The following COL22A1 variants were observed in gnomAD, a reference collection of about 807,000 sequenced individuals.
COL22A1 encodes the protein collagen alpha-1(XXII) chain.
Under a neutral mutation model 248.9 loss-of-function variants are expected in COL22A1, and 221 were observed. The ratio of observed to expected loss-of-function variants is 0.89; its 90% confidence interval spans 0.80 to 0.99. COL22A1 has a LOEUF of 0.99. COL22A1 is among the 50% of genes least tolerant of loss of function. The pLI is 0.00. For missense variants in COL22A1, 2,240 were observed against 2,179.0 expected (o/e 1.03, Z -0.56); for synonymous variants, 891 against 793.4 (o/e 1.12, Z -2.07).
intron 6 of COL22A1, among the ~76,000 whole-genome samples, chr8:138,823,341 A>T (rs1452513063): frequency 2.6e-5 from 4 of 152,210 alleles, no homozygotes; most frequent in African/African-American, 4.8e-5. Context: ...CAGCAGTGAA[A>T]CCTTCTCTGA....
chr8:138,798,619 C>G (rs1816752997), intron 11 of COL22A1, among the ~76,000 whole-genome samples: 1 of 152,148 alleles, frequency 6.6e-6, no homozygotes, highest in African/African-American at 2.4e-5. Context: ...TGTTTGTTAA[C>G]ACCAACCATA....
rs1347097962 is a variant in COL22A1 at position 138,591,238 on chromosome 8, A to T, written c.4693+186T>A. Among the ~76,000 whole-genome samples, 4 of 152,154 alleles carry T rather than the reference A, an allele frequency of 2.6e-5. No individual in the cohort carries two copies. The East Asian group carries it at 7.7e-4, about 29-fold the overall frequency. Reference sequence around the variant, plus strand: ...TAGAATACACTACAGTTTTCTTAGTAAGTCAAGAAGGTCGTATTTTAGAAA... The same window carrying T: ...TAGAATACACTACAGTTTTCTTAGTTAGTCAAGAAGGTCGTATTTTAGAAA... On this transcript the variant is annotated intron_variant, in intron 64 of 64. Coordinates refer to ENST00000303045, the MANE Select transcript of COL22A1 (RefSeq NM_152888.3).
chr8:138,805,990 G>GTA (rs1817585495), intron 10 of COL22A1, among the ~76,000 whole-genome samples: 1 of 87,534 alleles, frequency 1.1e-5, no homozygotes, highest in African/African-American at 4.1e-5. Context: ...GATTGTGTGT[G>GTA]ATGGTGTGTG....
At chr8:138,628,605 G>GTA (rs1487151206) in intron 50 of COL22A1, among the ~76,000 whole-genome samples, 1 of 152,156 alleles carries the variant, frequency 6.6e-6, no homozygotes. Context: ...AAAACTTCCA[G>GTA]TATATTCTGG....
chr8:138,684,569 G>A, intron 38 of COL22A1, 100 bp from the exon 39 acceptor site: 1 of 830,542 alleles, frequency 1.2e-6, no homozygotes, highest in South Asian at 1.3e-5. Context: ...TGGGGACCCA[G>A]AGATGGGTGA....
At chr8:138,658,080 A>G (rs2130642394) in intron 44 of COL22A1, among the ~76,000 whole-genome samples, 1 of 152,304 alleles carries the variant, frequency 6.6e-6, no homozygotes, top group Non-Finnish European at 1.5e-5. Context: ...CAGAGAACCT[A>G]ATCTGACACA....
intron 9 of COL22A1, among the ~76,000 whole-genome samples, chr8:138,810,041 T>A (rs767111306): frequency 6.6e-6 from 1 of 151,930 alleles, no homozygotes; most frequent in African/African-American, 2.4e-5. Flanking sequence ...CAAATAGAAG[T>A]ACAGGGAGAA....
chr8:138,676,834 A>G (rs1334036255), intron 40 of COL22A1, among the ~76,000 whole-genome samples, 199 bp from the exon 41 acceptor site: 2 of 152,202 alleles, frequency 1.3e-5, no homozygotes, highest in Non-Finnish European at 2.9e-5. Context: ...CCACCAACTC[A>G]GATTATATAC....
intron 30 of COL22A1, among the ~76,000 whole-genome samples, chr8:138,711,088 G>T (rs577560326): frequency 6.6e-6 from 1 of 152,150 alleles, no homozygotes; most frequent in African/African-American, 2.4e-5. Context: ...ACCCATGGGG[G>T]CTCTCTGCCT....
At chr8:138,623,233 T>C (rs1436137440) in intron 52 of COL22A1, among the ~76,000 whole-genome samples, 8 of 77,586 alleles carry the variant, frequency 1.0e-4, no homozygotes, top group Non-Finnish European at 2.3e-4. Flanking sequence ...AGTATGTGTG[T>C]GTACATATAT....
intron 3 of COL22A1, among the ~76,000 whole-genome samples, chr8:138,862,854 G>A (rs1043727780): frequency 6.6e-6 from 1 of 152,122 alleles, no homozygotes; most frequent in African/African-American, 2.4e-5. Flanking sequence ...AATCAGAGAG[G>A]AGGAGACTTG....
chr8:138,762,611 A>C (rs200102481), intron 16 of COL22A1, 145 bp from the exon 17 acceptor site: 1 of 295,070 alleles, frequency 3.4e-6, no homozygotes, highest in Non-Finnish European at 6.1e-6. Flanking sequence ...CACACACACA[A>C]CAGCCCTAGA....
chr8:138,878,056 C>T lies in COL22A1; in HGVS notation c.352G>A (p.Gly118Arg), dbSNP rs1224742768. 6.3e-7 allele frequency: 1 copy of T among 1,595,522 alleles called. No individual in the cohort carries two copies. The highest frequency in any genetic ancestry group is 8.5e-7 in the Non-Finnish European group (1 of 1,171,700). ...LAYHGGNTNT[G>R]DALRYITARS... Reference sequence around the variant, plus strand: ...GCCGTGATGTAGCGGAGCGCGTCTCCCGTGTTGGTGTTGCCCCCGTGGTAG... The same window carrying T: ...GCCGTGATGTAGCGGAGCGCGTCTCTCGTGTTGGTGTTGCCCCCGTGGTAG... Residue 118 changes from glycine (G) to arginine (R), a missense_variant, in exon 3 of 65, where the codon GGA (glycine) becomes AGA (arginine). Transcript: ENST00000303045.
Position 138,810,600 on chromosome 8 carries a change from G to A in COL22A1, c.1449+1199C>T, listed in dbSNP as rs577970806. On this transcript the variant is annotated intron_variant, in intron 9 of 64. Coordinates refer to ENST00000303045, the MANE Select transcript of COL22A1 (RefSeq NM_152888.3). ...CAGAAATAGCCTAAGCTCACAGCAG[G>A]CTTCCAGCTTGGGCCTCCAGCAAGG... Among the ~76,000 whole-genome samples, 522 of 152,298 alleles carry A rather than the reference G, an allele frequency of 3.4e-3. 3 individuals carry two copies. The highest frequency in any genetic ancestry group is 6.8e-3 in the Middle Eastern group (2 of 294).
chr8:138,796,633 T>C (rs996810375), intron 12 of COL22A1, among the ~76,000 whole-genome samples, 186 bp downstream of exon 12: 1 of 151,822 alleles, frequency 6.6e-6, no homozygotes, highest in African/African-American at 2.4e-5. Flanking sequence ...TTCTGCTGAG[T>C]ACAGTACATG....
At chr8:138,672,213 G>T (rs1421035146) in intron 41 of COL22A1, among the ~76,000 whole-genome samples, 4 of 152,150 alleles carry the variant, frequency 2.6e-5, no homozygotes, top group African/African-American at 9.7e-5. Context: ...TTCCTCACTT[G>T]TAAAATGAAA....
chr8:138,883,528 C>T (rs764530220), intron 1 of COL22A1, among the ~76,000 whole-genome samples: 7 of 152,212 alleles, frequency 4.6e-5, no homozygotes, highest in East Asian at 3.9e-4. Context: ...CACCACATCC[C>T]GCCTGGTATG....
intron 3 of COL22A1, among the ~76,000 whole-genome samples, chr8:138,854,717 G>T (rs11990763): frequency 6.6e-6 from 1 of 152,134 alleles, no homozygotes; most frequent in Admixed American, 6.5e-5. Context: ...CCCAGCCTTG[G>T]CCTCCGAGAC....
intron 3 of COL22A1, among the ~76,000 whole-genome samples, chr8:138,876,862 C>T (rs889166088): frequency 1.3e-4 from 20 of 152,246 alleles, no homozygotes; most frequent in Admixed American, 1.3e-4. Context: ...TCAGCCTGAC[C>T]GGCTTCAAAG....
Sources: gnomAD v4.1 joint callset for allele counts (sites outside exome capture counted in the v4.1 genomes callset) on GRCh38, gnomAD v4.1.1 for gene constraint, MANE v1.5 for transcripts, NCBI Gene and HGNC (gene_info 2026-07-23, HGNC 2026-07-21) for gene names.